The following COL5A1 variants were observed in gnomAD, a reference collection of about 807,000 sequenced individuals.
COL5A1 encodes the protein collagen alpha-1(V) chain.
A neutral mutation model predicts 263.7 loss-of-function variants in COL5A1; 16 were observed. The ratio of observed to expected loss-of-function variants is 0.06; its 90% CI spans 0.04 to 0.09. The LOEUF (loss-of-function observed/expected upper bound fraction) is 0.09. Among genes scored for constraint, COL5A1 ranks in the 10% least tolerant of loss-of-function variants. COL5A1 has a pLI of 1.00. For synonymous variants in COL5A1, 1,012 were observed against 1,004.5 expected, an observed-to-expected ratio of 1.01 and a Z score of -0.14; for missense variants, 2,036 against 2,540.5, an observed-to-expected ratio of 0.80 and a Z score of 4.27.
At chr9:134,644,800 T>C (rs1477986929) in intron 1 of COL5A1, among the ~76,000 whole-genome samples, 1 of 152,136 alleles carries the variant, frequency 6.6e-6, no homozygotes, top group African/African-American at 2.4e-5. Flanking sequence ...TATTTGGAAA[T>C]TGAGGTCATC....
Position 134,794,253 on chromosome 9 carries a change from G to A in COL5A1, c.2701-829G>A, listed in dbSNP as rs1273240422. Among the ~76,000 whole-genome samples the A allele has an allele frequency of 2.6e-5, 4 of 151,968 alleles. No homozygotes were observed. Among genetic ancestry groups the A allele is most frequent in the African/African-American group, 7.3e-5 (3 of 41,340 alleles). ...GGAGAATCGCTTGAACCTGGGAGGC[G>A]GAGGTTGCAGTCAGCCAAGATCACA... On this transcript the variant is annotated intron_variant, in intron 32 of 65. Transcript: ENST00000371817. This position sits in a 1 kb window ranked among gnomAD's most constrained non-coding sequence, Gnocchi z 4.3.
intron 1 of COL5A1, among the ~76,000 whole-genome samples, chr9:134,657,964 G>C (rs1392718292): frequency 6.6e-6 from 1 of 151,904 alleles, no homozygotes; most frequent in South Asian, 2.1e-4. Flanking sequence ...CTGGCCTGTC[G>C]GGTGGGCTTC....
At chr9:134,837,237 G>A (rs930327762) in intron 65 of COL5A1, among the ~76,000 whole-genome samples, 2 of 152,180 alleles carry the variant, frequency 1.3e-5, no homozygotes, top group African/African-American at 2.4e-5. Flanking sequence ...AGCCTCCTGA[G>A]TTTGGCTTTG....
chr9:134,679,027 C>G (rs1326974326), intron 1 of COL5A1, among the ~76,000 whole-genome samples: 1 of 152,124 alleles, frequency 6.6e-6, no homozygotes, highest in African/African-American at 2.4e-5. Flanking sequence ...CCTTTCAGGC[C>G]TTCAGTTCTC....
rs1027730992 is a variant in COL5A1 at position 134,841,253 on chromosome 9, C to A, written c.5371-904C>A. On this transcript the variant is annotated intron_variant, in intron 65 of 65. Transcript: ENST00000371817. The surrounding 1 kb of genome is among the most constrained non-coding windows in gnomAD (Gnocchi z 4.8). ...GATGCGTTTGCAGGCTCCTGGTTTG[C>A]GGGAAAGGTGCGGCCTCCAGGGCCC... 6.6e-6 allele frequency among the ~76,000 whole-genome samples: 1 copy of A among 152,136 alleles called. No individual in the cohort carries two copies. The highest frequency in any genetic ancestry group is 6.5e-5 in the Admixed American group (1 of 15,280).
intron 18 of COL5A1, among the ~76,000 whole-genome samples, chr9:134,760,760 C>T (rs1209614242): frequency 4.5e-5 from 5 of 110,392 alleles, no homozygotes; most frequent in African/African-American, 2.5e-4. Flanking sequence ...ACACCCCACA[C>T]ATACACGAAC....
chr9:134,830,803 A>G (rs1392012213), intron 64 of COL5A1, among the ~76,000 whole-genome samples: 1 of 152,236 alleles, frequency 6.6e-6, no homozygotes, highest in Non-Finnish European at 1.5e-5. Flanking sequence ...TGGCCGGTGT[A>G]GTGCCCAAGA....
intron 65 of COL5A1, among the ~76,000 whole-genome samples, chr9:134,840,962 T>C (rs1840005668): frequency 6.6e-6 from 1 of 152,086 alleles, no homozygotes. Flanking sequence ...GCCCTCCCCA[T>C]AGGTCAGGGA....
rs770084073 is a variant in COL5A1 at position 134,742,183 on chromosome 9, T to G, written c.1494+3375T>G. 2.0e-5 allele frequency among the ~76,000 whole-genome samples: 3 copies of G among 152,178 alleles called. No individual in the cohort carries two copies. Among genetic ancestry groups the G allele is most frequent in the Admixed American group, 6.5e-5 (1 of 15,290 alleles). On this transcript the variant is annotated intron_variant, in intron 11 of 65. Coordinates refer to ENST00000371817, the MANE Select transcript of COL5A1 (RefSeq NM_000093.5). This position sits in a 1 kb window ranked among gnomAD's most constrained non-coding sequence, Gnocchi z 4.6. The stretch of plus-strand genomic sequence containing the variant: ...TCCCGCTGCTCCCCTTGGATGACCT[T>G]CCATGCTGCATCTGCCTTCTAGCAC...
At chr9:134,773,008 T>C (rs1836916444) in intron 26 of COL5A1, among the ~76,000 whole-genome samples, 174 bp downstream of exon 26, 1 of 151,908 alleles carries the variant, frequency 6.6e-6, no homozygotes, top group African/African-American at 2.4e-5. Flanking sequence ...ACACAGGCCT[T>C]TTCCCCAAGA....
At position 134,732,060 on chromosome 9, in the gene COL5A1, A is replaced by G; in HGVS notation, c.1333-11A>G. 1 of 1,613,804 alleles carries G rather than the reference A, an allele frequency of 6.2e-7. No homozygotes were observed. The highest frequency in any genetic ancestry group is 8.5e-7 in the Non-Finnish European group (1 of 1,179,738). On this transcript the variant is annotated splice_polypyrimidine_tract_variant and intron_variant, in intron 8 of 65. Transcript: ENST00000371817. Reference sequence around the variant, plus strand: ...CTGATTCTCTTTCCATCTGCCTTTTATCACCCCCAGATTGGAGGACCTCGG... The same window carrying G: ...CTGATTCTCTTTCCATCTGCCTTTTGTCACCCCCAGATTGGAGGACCTCGG...
At chr9:134,781,691 G>A (rs1837263142) in intron 28 of COL5A1, among the ~76,000 whole-genome samples, 1 of 152,178 alleles carries the variant, frequency 6.6e-6, no homozygotes, top group Non-Finnish European at 1.5e-5. Context: ...GAAGGAGTGG[G>A]GCAGTGCCAA....
chr9:134,720,516 T>C (rs543835616), intron 4 of COL5A1, among the ~76,000 whole-genome samples: 2 of 152,320 alleles, frequency 1.3e-5, no homozygotes, highest in South Asian at 2.1e-4. Context: ...TGAAAGACAG[T>C]GTGCGCCAGA....
At chr9:134,816,945 A>T in intron 52 of COL5A1, 81 bp from the exon 53 acceptor site, 1 of 1,285,404 alleles carries the variant, frequency 7.8e-7, no homozygotes, top group Non-Finnish European at 1.1e-6. Flanking sequence ...GAGTAAATAG[A>T]CTGAAATCGC....
intron 11 of COL5A1, among the ~76,000 whole-genome samples, chr9:134,747,539 A>ACG (rs2132673293): frequency 1.1e-5 from 1 of 87,088 alleles, no homozygotes; most frequent in South Asian, 3.3e-4. Context: ...ACACATCCAC[A>ACG]CACACCTGCA....
intron 58 of COL5A1, among the ~76,000 whole-genome samples, chr9:134,820,499 G>A (rs574868312): frequency 3.5e-4 from 54 of 152,276 alleles, no homozygotes; most frequent in African/African-American, 1.1e-3. Flanking sequence ...GGAGGGACTC[G>A]GAAGTCAGGT....
chr9:134,768,637 G>A (rs1357101865), intron 25 of COL5A1, among the ~76,000 whole-genome samples, 174 bp downstream of exon 25: 2 of 152,218 alleles, frequency 1.3e-5, no homozygotes, highest in Non-Finnish European at 2.9e-5. Context: ...CTTGGGTTCT[G>A]GACACCCTTA....
In COL5A1 at chr9:134,710,688, A is replaced by G. The variant is rs1286550668; in HGVS notation, c.654+9355A>G. On this transcript the variant is annotated intron_variant, in intron 4 of 65. Transcript: ENST00000371817. Reference sequence around the variant, plus strand: ...CCGTCTGTTGGGTGCAGTGGTGGGGAAGGGGCCCCATTTAGTGCAGTGGTG... The same window carrying G: ...CCGTCTGTTGGGTGCAGTGGTGGGGGAGGGGCCCCATTTAGTGCAGTGGTG... 5.9e-3 allele frequency among the ~76,000 whole-genome samples: 277 copies of G among 46,900 alleles called. 2 individuals carry two copies. The highest frequency in any genetic ancestry group is 0.019 in the African/African-American group (214 of 11,406). The allele number at this position is 46,900 out of a possible 152,430, so 30.8% of individuals were successfully genotyped here. A position where few individuals can be genotyped will look rare whatever the true frequency, so the allele number is the denominator to read the frequency against.
Position 134,780,164 on chromosome 9 carries a change from G to A in COL5A1, c.2430+18G>A, listed in dbSNP as rs1418041885. The A allele has an allele frequency of 1.9e-6, 3 of 1,613,018 alleles. No homozygotes were observed. The highest frequency in any genetic ancestry group is 1.7e-5 in the Admixed American group (1 of 60,026). On this transcript the variant is annotated intron_variant, in intron 28 of 65. Transcript: ENST00000371817. ...GCGAGAAGGTAAGTCTCTCCTTGCAGCCACGGGGCCCCCTGCTTAGTCCGG... is the reference window on the plus strand; with the variant it reads ...GCGAGAAGGTAAGTCTCTCCTTGCAACCACGGGGCCCCCTGCTTAGTCCGG...
Sources: gnomAD v4.1 joint callset for allele counts (sites outside exome capture counted in the v4.1 genomes callset) on GRCh38, gnomAD v4.1.1 for gene constraint, Gnocchi (gnomAD v3.1) non-coding constraint, MANE v1.5 for transcripts, NCBI Gene and HGNC (gene_info 2026-07-23, HGNC 2026-07-21) for gene names.